MRM1: variants seen among roughly 807,000 people sequenced by gnomAD.
MRM1 encodes rRNA methyltransferase 1, mitochondrial.
Under a neutral mutation model 25.0 loss-of-function variants are expected in MRM1, and 24 were observed. The observed-to-expected ratio is 0.96, with a 90% CI of 0.69 to 1.35. The LOEUF (loss-of-function observed/expected upper bound fraction) is 1.35, where lower values mean the gene tolerates loss of function less well. Among genes scored for constraint, MRM1 ranks in the 40% most tolerant of loss-of-function variants. The probability of loss-of-function intolerance (pLI) is 0.00; values close to 1 mark genes in which losing one functional copy is unlikely to be tolerated. For missense variants in MRM1, 431 were observed against 464.1 expected (o/e 0.93, Z 0.65); for synonymous variants, 188 against 199.2 (o/e 0.94, Z 0.47).
At chr17:36,607,017 C>T (rs1470859790) in intron 2 of MRM1, among the ~76,000 whole-genome samples, 3 of 151,676 alleles carry the variant, frequency 2.0e-5, no homozygotes, top group Non-Finnish European at 2.9e-5. Context: ...CGAGTTCAAG[C>T]GATTCTCCTG....
chr17:36,604,230 G>T (rs1346133155), intron 2 of MRM1, among the ~76,000 whole-genome samples: 1 of 152,170 alleles, frequency 6.6e-6, no homozygotes, highest in Non-Finnish European at 1.5e-5. Flanking sequence ...ACACCAGTCA[G>T]CTCTTCCTCT....
chr17:36,613,704 T>A (rs562639977), downstream of MRM1, among the ~76,000 whole-genome samples: 38 of 152,314 alleles, frequency 2.5e-4, no homozygotes, highest in Non-Finnish European at 4.4e-4. Flanking sequence ...CGACTCAGTC[T>A]ACCAGTGTCT....
chr17:36,606,280 A>G (rs2074927206), intron 2 of MRM1, among the ~76,000 whole-genome samples: 1 of 152,188 alleles, frequency 6.6e-6, no homozygotes, highest in South Asian at 2.1e-4. Context: ...TGTTTTGTTC[A>G]GTGCCCTGTC....
At chr17:36,616,352 C>A in the MRM1 span, among the ~76,000 whole-genome samples, 1 of 152,218 alleles carries the variant, frequency 6.6e-6, no homozygotes, top group Non-Finnish European at 1.5e-5. Flanking sequence ...CAGAAATCAT[C>A]CCCAGCCACA....
At chr17:36,607,113 C>T (rs978708178) in intron 2 of MRM1, among the ~76,000 whole-genome samples, 1 of 151,796 alleles carries the variant, frequency 6.6e-6, no homozygotes, top group African/African-American at 2.4e-5. Context: ...GGGGTTTCTC[C>T]ATGTTGTTCA....
chr17:36,603,929 C>T (rs2074905374), intron 2 of MRM1, among the ~76,000 whole-genome samples: 1 of 152,166 alleles, frequency 6.6e-6, no homozygotes, highest in African/African-American at 2.4e-5. Flanking sequence ...CACTTCCAGC[C>T]CCTGAACAGG....
chr17:36,608,038 CCTTT>C lies in MRM1; in HGVS notation c.889+22_889+25del. The C allele has an allele frequency of 6.2e-7, 1 of 1,612,846 alleles. No individual in the cohort carries two copies. Among genetic ancestry groups the C allele is most frequent in the Non-Finnish European group, 8.5e-7 (1 of 1,179,394 alleles). On this transcript the variant is annotated intron_variant, in intron 4 of 4. Coordinates refer to ENST00000614766, the MANE Select transcript of MRM1 (RefSeq NM_024864.5). ...CTGCAGGTGAGTCTACTCCCCTTTC[CCTTT>C]CCTCTATCCCTCTAATCACGCAGGT...
the MRM1 span, among the ~76,000 whole-genome samples, chr17:36,626,463 G>A: frequency 4.8e-3 from 726 of 152,186 alleles, 3 homozygotes; most frequent in African/African-American, 0.017. Context: ...CCCGTGTTCA[G>A]GTGATTCTCT....
At chr17:36,612,490 T>C (rs1344700247), downstream of MRM1, among the ~76,000 whole-genome samples, 3 of 152,028 alleles carry the variant, frequency 2.0e-5, no homozygotes, top group Non-Finnish European at 2.9e-5. Flanking sequence ...ATACACTGAG[T>C]GGACACTGCT....
At chr17:36,633,090 G>A in the MRM1 span, among the ~76,000 whole-genome samples, 2 of 152,208 alleles carry the variant, frequency 1.3e-5, no homozygotes, top group African/African-American at 4.8e-5. Flanking sequence ...TTGAATCCCC[G>A]ATTTGCTTTG....
chr17:36,605,612 C>T (rs1490785117), intron 2 of MRM1, among the ~76,000 whole-genome samples: 1 of 151,150 alleles, frequency 6.6e-6, no homozygotes, highest in Non-Finnish European at 1.5e-5. Context: ...ATTCACTCAT[C>T]TAGTTGCCTA....
the MRM1 span, among the ~76,000 whole-genome samples, chr17:36,615,382 C>T: frequency 3.9e-5 from 6 of 152,162 alleles, no homozygotes; most frequent in South Asian, 2.1e-4. Flanking sequence ...CATGGGCTGG[C>T]GGGCGCGGTG....
At chr17:36,631,480 C>A in the MRM1 span, among the ~76,000 whole-genome samples, 6 of 152,228 alleles carry the variant, frequency 3.9e-5, no homozygotes, top group African/African-American at 1.4e-4. Flanking sequence ...GGCATGTGAC[C>A]TTGGGCAAGT....
chr17:36,607,956 C>A lies in MRM1; in HGVS notation c.827C>A (p.Thr276Asn), dbSNP rs771620927. ...EVQASCQLLL[T>N]ILPRRQLPPG... Reference sequence around the variant, plus strand: ...CAGGCCTCCTGCCAGCTTCTCCTCACCATCCTGCCCCGGCGCCAGCTGCCT... The same window carrying A: ...CAGGCCTCCTGCCAGCTTCTCCTCAACATCCTGCCCCGGCGCCAGCTGCCT... Residue 276 changes from threonine (T) to asparagine (N), a missense_variant, in exon 4 of 5, where the codon ACC (threonine) becomes AAC (asparagine). Transcript: ENST00000614766. 5.0e-6 allele frequency: 8 copies of A among 1,614,188 alleles called. No homozygotes were observed. The highest frequency in any genetic ancestry group is 6.8e-6 in the Non-Finnish European group (8 of 1,180,052).
the MRM1 span, among the ~76,000 whole-genome samples, chr17:36,616,033 C>T: frequency 6.6e-6 from 1 of 152,060 alleles, no homozygotes; most frequent in Non-Finnish European, 1.5e-5. Flanking sequence ...ACAAAACTTT[C>T]TTGCAGGCCG....
rs2074954074 is a variant in MRM1 at position 36,608,700 on chromosome 17, GA to G, written c.*288del. ...CCCAGGCCCTGCCTGGAAGTTGAGG[GA>G]AAGTTTAGACATCTGCAGAGAGGCA... On this transcript the variant is annotated 3_prime_UTR_variant, in exon 5 of 5. Transcript: ENST00000614766. 2 of 364,022 alleles carry G rather than the reference GA, an allele frequency of 5.5e-6. No homozygotes were observed. The highest frequency in any genetic ancestry group is 2.7e-4 in the South Asian group (2 of 7,470). The allele number at this position is 364,022 out of a possible 1,614,324, so 22.5% of individuals were successfully genotyped here. A position where few individuals can be genotyped will look rare whatever the true frequency, so the allele number is the denominator to read the frequency against.
chr17:36,626,879 T>C, the MRM1 span, among the ~76,000 whole-genome samples: 8 of 152,320 alleles, frequency 5.3e-5, no homozygotes, highest in African/African-American at 1.9e-4. Context: ...TTTCTGATTA[T>C]TCAAGATGTA....
chr17:36,629,732 G>A, the MRM1 span, among the ~76,000 whole-genome samples: 4 of 151,668 alleles, frequency 2.6e-5, no homozygotes, highest in Middle Eastern at 3.2e-3. Flanking sequence ...ATGGGGTGGG[G>A]GGGGGCACAT....
chr17:36,620,530 G>C, the MRM1 span, among the ~76,000 whole-genome samples: 1 of 152,232 alleles, frequency 6.6e-6, no homozygotes, highest in Admixed American at 6.5e-5. Context: ...AGAAGTGGAA[G>C]AGGATACCTT....
Sources: gnomAD v4.1 joint callset for allele counts (sites outside exome capture counted in the v4.1 genomes callset) on GRCh38, gnomAD v4.1.1 for gene constraint, MANE v1.5 for transcripts, NCBI Gene and HGNC (gene_info 2026-07-23, HGNC 2026-07-21) for gene names.